Variants in NUP214 observed in about 807,000 individuals in gnomAD.
NUP214 encodes nuclear pore complex protein Nup214.
Under a neutral mutation model 196.2 loss-of-function variants are expected in NUP214, and 79 were observed. The ratio of observed to expected loss-of-function variants is 0.40; its 90% CI spans 0.34 to 0.49. The LOEUF (loss-of-function observed/expected upper bound fraction) is 0.49, where lower values mean the gene tolerates loss of function less well. Among genes scored for constraint, NUP214 ranks in the 20% least tolerant of loss-of-function variants. The pLI is 0.58. For synonymous variants in NUP214, 1,020 were observed against 990.5 expected (o/e 1.03, Z -0.56); for missense variants, 2,468 against 2,539.0 (o/e 0.97, Z 0.60).
chr9:131,172,271 T>C (rs1325370438), intron 21 of NUP214, among the ~76,000 whole-genome samples: 1 of 152,100 alleles, frequency 6.6e-6, no homozygotes, highest in Admixed American at 6.5e-5. Flanking sequence ...TGGTATCTCA[T>C]TGTGGTTTTG....
intron 33 of NUP214, chr9:131,229,482 TG>T (rs1834811097): frequency 1.2e-5 from 4 of 337,256 alleles, no homozygotes; most frequent in Admixed American, 4.3e-5. Flanking sequence ...TTGGGTTGGC[TG>T]GGTATCTTGT....
In NUP214 at chr9:131,163,781, G is replaced by A. The variant is rs577420938; in HGVS notation, c.2724-89G>A. On this transcript the variant is annotated intron_variant, in intron 19 of 35. Coordinates refer to ENST00000359428, the MANE Select transcript of NUP214 (RefSeq NM_005085.4). ...TATATTGGGGATATTCTCATGTCTT[G>A]CATTTATATTTAAGAGGATAGTGTA... is the stretch of plus-strand genomic sequence containing the variant. 69 of 856,920 alleles carry A rather than the reference G, an allele frequency of 8.1e-5. No homozygotes were observed. The Middle Eastern group carries it at 1.1e-3, about 14-fold the overall frequency. The allele number at this position is 856,920 out of a possible 1,614,324, so 53.1% of individuals were successfully genotyped here.
chr9:131,174,041 T>G lies in NUP214; in HGVS notation c.2894-14T>G. 6.2e-7 allele frequency: 1 copy of G among 1,610,956 alleles called. No individual in the cohort carries two copies. Among genetic ancestry groups the G allele is most frequent in the Non-Finnish European group, 8.5e-7 (1 of 1,179,188 alleles). ...TGAGTTGTCTAAATTGTGTTTTGTT[T>G]GGGGCTTTTGTAGCCAGCCTGTCTC... On this transcript the variant is annotated splice_polypyrimidine_tract_variant and intron_variant, in intron 21 of 35. Coordinates refer to ENST00000359428, the MANE Select transcript of NUP214 (RefSeq NM_005085.4).
chr9:131,192,941 CAAAAAA>C (rs34653431), intron 27 of NUP214, among the ~76,000 whole-genome samples: 2 of 31,038 alleles, frequency 6.4e-5, no homozygotes, highest in African/African-American at 1.2e-4. Flanking sequence ...ACCCCGTCTC[CAAAAAA>C]AAAAAAAAAA....
At chr9:131,127,955 C>T (rs1831413837) in intron 2 of NUP214, among the ~76,000 whole-genome samples, 1 of 152,184 alleles carries the variant, frequency 6.6e-6, no homozygotes, top group African/African-American at 2.4e-5. Flanking sequence ...TTATGCCATG[C>T]TTTTATTTTT....
chr9:131,143,109 C>T (rs199929579), intron 11 of NUP214, among the ~76,000 whole-genome samples: 1 of 152,138 alleles, frequency 6.6e-6, no homozygotes, highest in East Asian at 1.9e-4. Flanking sequence ...CAAGTCCAAG[C>T]GATCCTCCCA....
intron 16 of NUP214, 115 bp downstream of exon 16, chr9:131,150,880 T>C: frequency 9.8e-7 from 1 of 1,018,304 alleles, no homozygotes; most frequent in Non-Finnish European, 1.4e-6. Flanking sequence ...GTTGTTGTTT[T>C]TTTAACGTGG....
At chr9:131,158,370 C>T (rs148761085) in intron 17 of NUP214, among the ~76,000 whole-genome samples, 200 of 152,340 alleles carry the variant, frequency 1.3e-3, no homozygotes, top group African/African-American at 4.5e-3. Flanking sequence ...TGAGCCACAG[C>T]GCCCAGCCAC....
chr9:131,150,826 T>C, intron 16 of NUP214, 61 bp downstream of exon 16: 1 of 1,497,290 alleles, frequency 6.7e-7, no homozygotes, highest in East Asian at 2.3e-5. Flanking sequence ...TTTCTCCTAG[T>C]ACTCCATGGG....
chr9:131,204,247 A>C (rs1834016762), intron 30 of NUP214, among the ~76,000 whole-genome samples: 1 of 152,246 alleles, frequency 6.6e-6, no homozygotes, highest in African/African-American at 2.4e-5. Flanking sequence ...CAAACTTGAA[A>C]ATACCAGTAA....
chr9:131,172,415 T>C (rs1832986303), intron 21 of NUP214, among the ~76,000 whole-genome samples: 1 of 152,224 alleles, frequency 6.6e-6, no homozygotes, highest in African/African-American at 2.4e-5. Flanking sequence ...GTTTTTTCCT[T>C]GTAAATTTGT....
chr9:131,194,010 C>T (rs1833701961), intron 27 of NUP214: 1 of 150,806 alleles, frequency 6.6e-6, no homozygotes, highest in South Asian at 2.1e-4. Context: ...TGGCTTGACA[C>T]TATTAGATAA....
intron 14 of NUP214, 149 bp from the exon 15 acceptor site, chr9:131,150,175 A>AAGT: frequency 1.5e-6 from 1 of 670,010 alleles, no homozygotes; most frequent in Non-Finnish European, 2.5e-6. Context: ...GCCTTACACA[A>AAGT]AGTAGAGACC....
At chr9:131,182,310 C>G (rs1204902800) in intron 24 of NUP214, among the ~76,000 whole-genome samples, 1 of 152,204 alleles carries the variant, frequency 6.6e-6, no homozygotes, top group Non-Finnish European at 1.5e-5. Flanking sequence ...TCTGTGGCCT[C>G]TTAGGAACTG....
At chr9:131,185,533 G>T (rs1233274571) in intron 24 of NUP214, among the ~76,000 whole-genome samples, 1 of 152,162 alleles carries the variant, frequency 6.6e-6, no homozygotes, top group Non-Finnish European at 1.5e-5. Flanking sequence ...CTAAAAAGTG[G>T]AATAAAGTCA....
chr9:131,222,756 C>T (rs1182598202), intron 31 of NUP214, 22 bp from the exon 32 acceptor site: 3 of 1,606,220 alleles, frequency 1.9e-6, no homozygotes, highest in African/African-American at 2.7e-5. Flanking sequence ...CTCTGACCTC[C>T]CTCACATCTT....
At chr9:131,173,081 G>C (rs533516078) in intron 21 of NUP214, among the ~76,000 whole-genome samples, 1 of 152,132 alleles carries the variant, frequency 6.6e-6, no homozygotes, top group Non-Finnish European at 1.5e-5. Flanking sequence ...ATTTGAGAAG[G>C]AGTCTCACTC....
At chr9:131,130,900 G>T in intron 5 of NUP214, 64 bp downstream of exon 5, 1 of 1,305,254 alleles carries the variant, frequency 7.7e-7, no homozygotes, top group Admixed American at 1.8e-5. Context: ...GGGTGGTTTG[G>T]GAGTATCTTT....
rs1432219721 is a variant in NUP214, at chr9:131,146,195, C to A, written c.1836C>A (p.Phe612Leu). 1 of 1,614,186 alleles carries A rather than the reference C, an allele frequency of 6.2e-7. No homozygotes were observed. The highest frequency in any genetic ancestry group is 8.5e-7 in the Non-Finnish European group (1 of 1,180,034). ...AGAGCGCACCCCCGATGTCGCCATT[C>A]TCTTCTGCCTCCAAGCCAGCTGCTT... ...SSQSAPPMSP[F>L]SSASKPAASG... Residue 612 changes from phenylalanine to leucine, a missense_variant, in exon 13 of 36, where the codon TTC becomes TTA. This residue lies in a region of NUP214 where 1,801 missense variants were observed against 1,779.4 expected (regional missense o/e 1.01). Coordinates refer to ENST00000359428, the MANE Select transcript of NUP214 (RefSeq NM_005085.4). The surrounding 1 kb of genome is among the most constrained non-coding windows in gnomAD (Gnocchi z 4.6).
Sources: allele counts gnomAD v4.1 joint callset (sites outside exome capture counted in the v4.1 genomes callset), GRCh38; gene constraint gnomAD v4.1.1; regional missense constraint gnomAD v4.1.1; non-coding constraint Gnocchi (gnomAD v3.1); transcripts MANE v1.5; gene names NCBI Gene and HGNC (gene_info 2026-07-23, HGNC 2026-07-21).